The following FYB1 variants were observed in gnomAD, a reference collection of about 807,000 sequenced individuals.
FYB1 encodes FYN binding protein 1.
A neutral mutation model predicts 94.1 loss-of-function variants in FYB1; 41 were observed. The ratio of observed to expected loss-of-function variants is 0.44; its 90% CI spans 0.34 to 0.57. The LOEUF (loss-of-function observed/expected upper bound fraction) is 0.57. Among genes scored for constraint, FYB1 ranks in the 20% least tolerant of loss-of-function variants. FYB1 has a pLI of 0.02. For missense variants in FYB1, 1,050 were observed against 976.8 expected, an observed-to-expected ratio of 1.07 and a Z score of -1.00; for synonymous variants, 367 against 353.2, an observed-to-expected ratio of 1.04 and a Z score of -0.44.
At chr5:39,185,848 T>C (rs1298821365) in intron 2 of FYB1, among the ~76,000 whole-genome samples, 1 of 151,892 alleles carries the variant, frequency 6.6e-6, no homozygotes, top group Non-Finnish European at 1.5e-5. Context: ...TGGGAGCAGG[T>C]AGGGGCCCAT....
rs754651925 is a variant in FYB1, at chr5:39,202,789, C to T, written c.172G>A (p.Gly58Arg). Residue 58 changes from glycine (G) to arginine (R), a missense_variant, in exon 2 of 19, where the codon GGG (glycine) becomes AGG (arginine). Transcript: ENST00000512982. ...PAGPSNVPKF[G>R]SPKPPVAVKP... ...ACTGCCACAGGTGGCTTTGGGGACCCAAACTTAGGTACATTGCTGGGTCCT... is the reference window on the plus strand; with the variant it reads ...ACTGCCACAGGTGGCTTTGGGGACCTAAACTTAGGTACATTGCTGGGTCCT... 6.2e-7 allele frequency: 1 copy of T among 1,613,786 alleles called. No homozygotes were observed. Among genetic ancestry groups the T allele is most frequent in the Non-Finnish European group, 8.5e-7 (1 of 1,179,882 alleles).
chr5:39,258,414 A>G (rs1225594089), intron 1 of FYB1, among the ~76,000 whole-genome samples: 2 of 152,174 alleles, frequency 1.3e-5, no homozygotes, highest in Admixed American at 6.5e-5. Context: ...AGCCTGGCCA[A>G]CATGGTGAAA....
intron 1 of FYB1, among the ~76,000 whole-genome samples, chr5:39,254,718 A>G (rs1217745099): frequency 6.6e-6 from 1 of 152,212 alleles, no homozygotes; most frequent in Non-Finnish European, 1.5e-5. Flanking sequence ...GGAATGCAAA[A>G]TAATTGGGAA....
Position 39,202,483 on chromosome 5 carries a change from G to A in FYB1, c.478C>T (p.Pro160Ser). The change falls in exon 2 of 19, where the codon CCA (proline) becomes TCA (serine). Residue 160 changes from proline to serine, a missense_variant. Physicochemically the swap from Pro to Ser is moderately conservative, Grantham distance 74. Transcript: ENST00000512982. The stretch of plus-strand genomic sequence containing the variant: ...TGCTTCTGTTCATTTTCTGAGGTTG[G>A]AGGAGTAGGCCCAGATTTCGGGCCT... ...PLGPKSGPTPPTSENEQKQAF... is the reference protein window; with the variant it reads ...PLGPKSGPTPSTSENEQKQAF... The A allele has an allele frequency of 6.2e-7, 1 of 1,613,964 alleles. No individual in the cohort carries two copies. Among genetic ancestry groups the A allele is most frequent in the Non-Finnish European group, 8.5e-7 (1 of 1,179,880 alleles).
chr5:39,140,893 G>A (rs904214936), intron 4 of FYB1, among the ~76,000 whole-genome samples: 21 of 152,182 alleles, frequency 1.4e-4, no homozygotes. Flanking sequence ...CATTAAATAT[G>A]TTAGAATATT....
chr5:39,138,033 T>G (rs1347019986), intron 6 of FYB1: 2 of 349,222 alleles, frequency 5.7e-6, no homozygotes, highest in Admixed American at 4.7e-5. Context: ...TTTTCTCTCT[T>G]TCATATGCAC....
At chr5:39,260,020 G>T (rs1752146222) in intron 1 of FYB1, among the ~76,000 whole-genome samples, 1 of 152,164 alleles carries the variant, frequency 6.6e-6, no homozygotes, top group South Asian at 2.1e-4. Flanking sequence ...GAAAGATGAA[G>T]CTGATAAATG....
intron 1 of FYB1, among the ~76,000 whole-genome samples, chr5:39,233,271 G>T (rs1177339954): frequency 6.6e-6 from 1 of 152,152 alleles, no homozygotes; most frequent in Admixed American, 6.6e-5. Flanking sequence ...AGCCCCCAAA[G>T]AGCTGTGGGT....
At position 39,170,999 on chromosome 5, in the gene FYB1, A is replaced by T. The variant is rs560580783; in HGVS notation, c.1136-17395T>A. Among the ~76,000 whole-genome samples, 3 of 152,266 alleles carry T rather than the reference A, an allele frequency of 2.0e-5. No individual in the cohort carries two copies. In the East Asian group the frequency reaches 5.8e-4, roughly 29 times the overall value. Reference sequence around the variant, plus strand: ...CTGCTTAAGTAAATTGCTTAAAAGAATTTTTAGACTGGGCACGGTGACTCA... The same window carrying T: ...CTGCTTAAGTAAATTGCTTAAAAGATTTTTTAGACTGGGCACGGTGACTCA... On this transcript the variant is annotated intron_variant, in intron 2 of 18. Transcript: ENST00000512982.
chr5:39,185,619 T>C (rs1179760967), intron 2 of FYB1, among the ~76,000 whole-genome samples: 4 of 143,834 alleles, frequency 2.8e-5, no homozygotes, highest in South Asian at 4.2e-4. Context: ...CATATATATA[T>C]ATACACACAT....
chr5:39,184,041 C>T (rs1438288876), intron 2 of FYB1, among the ~76,000 whole-genome samples: 2 of 152,084 alleles, frequency 1.3e-5, no homozygotes, highest in African/African-American at 4.8e-5. Context: ...GATCTACTGG[C>T]AAACCCAGTA....
At chr5:39,245,154 A>AG (rs1751413071) in intron 1 of FYB1, among the ~76,000 whole-genome samples, 1 of 152,164 alleles carries the variant, frequency 6.6e-6, no homozygotes, top group Non-Finnish European at 1.5e-5. Flanking sequence ...ATTAAAAAAA[A>AG]GTGTGTGTGT....
chr5:39,207,362 T>C (rs1748955462), intron 1 of FYB1, among the ~76,000 whole-genome samples: 1 of 152,220 alleles, frequency 6.6e-6, no homozygotes, highest in African/African-American at 2.4e-5. Flanking sequence ...ATTTTGCCTT[T>C]CCTCAGAATT....
intron 14 of FYB1, among the ~76,000 whole-genome samples, chr5:39,121,442 C>A (rs1375471580): frequency 1.3e-5 from 2 of 152,078 alleles, no homozygotes; most frequent in Non-Finnish European, 2.9e-5. Flanking sequence ...ATTAGTTTAA[C>A]AATTTTGGTA....
chr5:39,134,443 C>T (rs1181019333), intron 8 of FYB1, 94 bp from the exon 9 acceptor site: 1 of 1,094,960 alleles, frequency 9.1e-7, no homozygotes, highest in South Asian at 1.7e-5. Context: ...GCTCTTTAAA[C>T]TTTCCCCTGA....
At chr5:39,126,217 A>G in intron 11 of FYB1, 82 bp from the exon 12 acceptor site, 1 of 1,390,794 alleles carries the variant, frequency 7.2e-7, no homozygotes, top group Non-Finnish European at 9.8e-7. Flanking sequence ...ATTCTTTATA[A>G]TCATTAATCA....
intron 2 of FYB1, among the ~76,000 whole-genome samples, chr5:39,162,911 A>G (rs76158243): frequency 0.057 from 8,657 of 152,246 alleles, 798 homozygotes; most frequent in African/African-American, 0.2. Context: ...TTGTGTGAGT[A>G]TGTCTTCTTT....
chr5:39,259,725 G>A (rs1664299742), intron 1 of FYB1, among the ~76,000 whole-genome samples: 1 of 152,068 alleles, frequency 6.6e-6, no homozygotes, highest in Admixed American at 6.5e-5. Context: ...ATCCAAAACA[G>A]AATATAAGAA....
chr5:39,186,397 C>T (rs1374073381), intron 2 of FYB1, among the ~76,000 whole-genome samples: 1 of 152,140 alleles, frequency 6.6e-6, no homozygotes, highest in African/African-American at 2.4e-5. Context: ...GCACTCCAGC[C>T]TGGCGACAGA....
Sources: gnomAD v4.1 joint callset for allele counts (sites outside exome capture counted in the v4.1 genomes callset) on GRCh38, gnomAD v4.1.1 for gene constraint, MANE v1.5 for transcripts, NCBI Gene and HGNC (gene_info 2026-07-23, HGNC 2026-07-21) for gene names.